The following MAP1B variants were observed in gnomAD, a reference collection of about 807,000 sequenced individuals.
MAP1B encodes the protein microtubule-associated protein 1B.
MAP1B carries 12 observed loss-of-function variants against 176.1 expected under a neutral mutation model. The observed-to-expected ratio is 0.07, with a 90% CI of 0.04 to 0.11. The LOEUF (loss-of-function observed/expected upper bound fraction) is 0.11, where lower values mean the gene tolerates loss of function less well. Among genes scored for constraint, MAP1B ranks in the 10% least tolerant of loss-of-function variants. MAP1B has a pLI of 1.00. For missense variants in MAP1B, 2,523 were observed against 2,990.5 expected, an observed-to-expected ratio of 0.84 and a Z score of 3.65; for synonymous variants, 1,044 against 1,135.0, an observed-to-expected ratio of 0.92 and a Z score of 1.61.
rs139605891 is a variant in MAP1B at position 72,197,652 on chromosome 5, A to T, written c.4297A>T (p.Ser1433Cys). The T allele has an allele frequency of 6.2e-7, 1 of 1,614,228 alleles. No individual in the cohort carries two copies. Among genetic ancestry groups the T allele is most frequent in the East Asian group, 2.2e-5 (1 of 44,884 alleles). The stretch of plus-strand genomic sequence containing the variant: ...TGCCGAAAGTCCTTTTGAAGAAAAG[A>T]GTGGAAAACAAGGCTCTCCAGACCA... Reference protein sequence around the residue: ...RGAESPFEEKSGKQGSPDQVS... With the variant: ...RGAESPFEEKCGKQGSPDQVS... Residue 1433 changes from serine (S) to cysteine (C), a missense_variant, in exon 5 of 7, where the codon AGT becomes TGT. Transcript: ENST00000296755.
At position 72,130,297 on chromosome 5, in the gene MAP1B, T is replaced by C. The variant is rs185275229; in HGVS notation, c.286+14498T>C. ...CTTTTCAGAAATGGCTTTTTCCCAA[T>C]GTCAACTGAATCATAAGAAAAAAGG... is the stretch of plus-strand genomic sequence containing the variant. On this transcript the variant is annotated intron_variant, in intron 2 of 6. Transcript: ENST00000296755. Among the ~76,000 whole-genome samples the C allele has an allele frequency of 4.6e-5, 7 of 152,244 alleles. No individual in the cohort carries two copies. In the East Asian group the frequency reaches 1.3e-3, roughly 29 times the overall value.
At chr5:72,165,786 G>C (rs570428464) in intron 2 of MAP1B, among the ~76,000 whole-genome samples, 13 of 152,260 alleles carry the variant, frequency 8.5e-5, no homozygotes, top group African/African-American at 3.1e-4. Context: ...GCTCATAAGT[G>C]TATCACCCCA....
intron 1 of MAP1B, among the ~76,000 whole-genome samples, chr5:72,110,071 T>G (rs1394274418): frequency 6.6e-6 from 1 of 152,194 alleles, no homozygotes; most frequent in African/African-American, 2.4e-5. Flanking sequence ...TTGACATTAA[T>G]TTTTTAAAAA....
intron 1 of MAP1B, among the ~76,000 whole-genome samples, chr5:72,114,608 T>G (rs1226032801): frequency 1.3e-5 from 2 of 152,234 alleles, no homozygotes; most frequent in Admixed American, 1.3e-4. Context: ...ATATATAATA[T>G]GTAAACATGT....
At chr5:72,158,190 A>C (rs1746263651) in intron 2 of MAP1B, among the ~76,000 whole-genome samples, 1 of 150,332 alleles carries the variant, frequency 6.7e-6, no homozygotes, top group Admixed American at 6.6e-5. Context: ...TTGTATTTTT[A>C]GTAGAGATGG....
rs368108469 is a variant in MAP1B, at chr5:72,195,593, G to C, written c.2238G>C (p.Leu746=). 9.3e-6 allele frequency: 15 copies of C among 1,614,174 alleles called. No homozygotes were observed. The African/African-American group carries it at 2.0e-4, about 22-fold the overall frequency. The change falls in exon 5 of 7, where the codon CTG becomes CTC. Residue 746 remains leucine (L), a synonymous_variant. Coordinates refer to ENST00000296755, the MANE Select transcript of MAP1B (RefSeq NM_005909.5). ...PKDAKKSSTP[L]SEAKKPAALK... The stretch of plus-strand genomic sequence containing the variant: ...ACGCAAAGAAATCATCTACTCCTCT[G>C]TCTGAAGCAAAAAAACCAGCTGCTT...
Position 72,198,577 on chromosome 5 carries a change from T to C in MAP1B, c.5222T>C (p.Ile1741Thr), listed in dbSNP as rs771666835. The C allele has an allele frequency of 5.6e-6, 9 of 1,613,968 alleles. No homozygotes were observed. In the South Asian group the frequency reaches 9.9e-5, roughly 18 times the overall value. ...STSSAHTPSQIASPLQEDTLS... is the reference protein window; with the variant it reads ...STSSAHTPSQTASPLQEDTLS... ...TCTTCTGCTCATACCCCTTCTCAGA[T>C]CGCTTCTCCTCTCCAAGAAGATACT... The change falls in exon 5 of 7, where the codon ATC becomes ACC. Residue 1741 changes from isoleucine (I) to threonine (T), a missense_variant. Ile to Thr is a moderately conservative substitution (Grantham distance 89). Around this residue, in one of 4 missense-constraint regions of MAP1B, gnomAD observed 1,925 missense variants for 2,126.0 expected, o/e 0.91. Transcript: ENST00000296755.
chr5:72,180,372 C>T (rs1746740709), intron 2 of MAP1B, among the ~76,000 whole-genome samples: 1 of 152,166 alleles, frequency 6.6e-6, no homozygotes, highest in Non-Finnish European at 1.5e-5. Flanking sequence ...AATTTCATCT[C>T]AACCTAGTGC....
In MAP1B at chr5:72,195,585, A is replaced by G. The variant is rs1747139625; in HGVS notation, c.2230A>G (p.Thr744Ala). Residue 744 changes from threonine (T) to alanine (A), a missense_variant, in exon 5 of 7, where the codon ACT becomes GCT. By Grantham distance (58) the Thr-to-Ala change is moderately conservative (BLOSUM62 0). This residue lies in a region of MAP1B where 1,925 missense variants were observed against 2,126.0 expected (regional missense o/e 0.91). Transcript: ENST00000296755. Reference protein sequence around the residue: ...KLPKDAKKSSTPLSEAKKPAA... With the variant: ...KLPKDAKKSSAPLSEAKKPAA... The stretch of plus-strand genomic sequence containing the variant: ...CCCTAAAGACGCAAAGAAATCATCT[A>G]CTCCTCTGTCTGAAGCAAAAAAACC... 2 of 1,614,062 alleles carry G rather than the reference A, an allele frequency of 1.2e-6. No homozygotes were observed. Among genetic ancestry groups the G allele is most frequent in the Non-Finnish European group, 1.7e-6 (2 of 1,180,014 alleles).
rs1482743694 is a variant in MAP1B, at chr5:72,208,303, T to TA, written c.*3065dup. On this transcript the variant is annotated 3_prime_UTR_variant, in exon 7 of 7. Coordinates refer to ENST00000296755, the MANE Select transcript of MAP1B (RefSeq NM_005909.5). ...TTCTAGGAGCTTTGTTCATACTGATTACTTAATCCAATTGTATAGATTGAA... is the reference window on the plus strand; with the variant it reads ...TTCTAGGAGCTTTGTTCATACTGATTAACTTAATCCAATTGTATAGATTGAA... 1.3e-5 allele frequency: 2 copies of TA among 152,362 alleles called. No homozygotes were observed. Among genetic ancestry groups the TA allele is most frequent in the African/African-American group, 4.8e-5 (2 of 41,582 alleles). The allele number at this position is 152,362 out of a possible 1,614,324, so 9.4% of individuals were successfully genotyped here.
intron 3 of MAP1B, among the ~76,000 whole-genome samples, chr5:72,185,239 T>C (rs1476509495): frequency 6.6e-6 from 1 of 152,174 alleles, no homozygotes; most frequent in Non-Finnish European, 1.5e-5. Flanking sequence ...TTTTGGCTGT[T>C]GTGATGTCAC....
intron 2 of MAP1B, among the ~76,000 whole-genome samples, chr5:72,172,508 A>G (rs1746565385): frequency 6.6e-6 from 1 of 152,102 alleles, no homozygotes; most frequent in Non-Finnish European, 1.5e-5. Flanking sequence ...TGGTTTTGAG[A>G]CCGAATAATA....
chr5:72,194,530 C>A lies in MAP1B; in HGVS notation c.1175C>A (p.Ser392Tyr). Residue 392 changes from serine (S) to tyrosine (Y), a missense_variant, in exon 5 of 7, where the codon TCC becomes TAC. Ser to Tyr is a moderately radical substitution (Grantham distance 144). Coordinates refer to ENST00000296755, the MANE Select transcript of MAP1B (RefSeq NM_005909.5). The surrounding 1 kb of genome is among the most constrained non-coding windows in gnomAD (Gnocchi z 7.2). The part of the protein sequence containing the change: ...CFTLQYLNKL[S>Y]MKPEPLFRSV... Reference sequence around the variant, plus strand: ...ACTCTCCAGTACCTAAACAAATTGTCCATGAAACCAGAACCTCTGTTTAGA... The same window carrying A: ...ACTCTCCAGTACCTAAACAAATTGTACATGAAACCAGAACCTCTGTTTAGA... 2 of 1,614,100 alleles carry A rather than the reference C, an allele frequency of 1.2e-6. No homozygotes were observed. Among genetic ancestry groups the A allele is most frequent in the Non-Finnish European group, 1.7e-6 (2 of 1,180,030 alleles).
intron 2 of MAP1B, 111 bp from the exon 3 acceptor site, chr5:72,183,632 G>T: frequency 1.4e-6 from 1 of 736,534 alleles, no homozygotes. Flanking sequence ...TTTCAGTGCT[G>T]TGTACCACGT....
chr5:72,174,855 G>A (rs1427790052), intron 2 of MAP1B, among the ~76,000 whole-genome samples: 1 of 151,876 alleles, frequency 6.6e-6, no homozygotes, highest in Non-Finnish European at 1.5e-5. Flanking sequence ...ACACAAATAG[G>A]CATTGAACTC....
At chr5:72,121,543 A>T (rs776983084) in intron 2 of MAP1B, among the ~76,000 whole-genome samples, 3 of 152,240 alleles carry the variant, frequency 2.0e-5, no homozygotes, top group Non-Finnish European at 4.4e-5. Context: ...TGCTAAAAAC[A>T]TCTTGCCTGG....
chr5:72,136,549 C>A (rs1184118005), intron 2 of MAP1B, among the ~76,000 whole-genome samples: 1 of 152,162 alleles, frequency 6.6e-6, no homozygotes, highest in African/African-American at 2.4e-5. Flanking sequence ...TCCTTCTCCC[C>A]AAGACCTCAT....
chr5:72,137,672 G>A (rs1366612391), intron 2 of MAP1B, among the ~76,000 whole-genome samples: 1 of 152,178 alleles, frequency 6.6e-6, no homozygotes, highest in Admixed American at 6.5e-5. Context: ...TTAAAACAAA[G>A]TACAGGCTCC....
chr5:72,198,869 C>T lies in MAP1B; in HGVS notation c.5514C>T (p.Phe1838=), dbSNP rs766462360. ...EPYGFRASVL[F]DTMQHHLALN... is the part of the protein sequence containing the mutation. ...ATGGCTTCCGTGCCTCAGTGTTATT[C>T]GATACAATGCAACACCATCTAGCCT... The change falls in exon 5 of 7, where the codon TTC becomes TTT. Residue 1838 remains phenylalanine, a synonymous_variant. Transcript: ENST00000296755. 1.1e-5 allele frequency: 17 copies of T among 1,614,052 alleles called. No individual in the cohort carries two copies. The highest frequency in any genetic ancestry group is 8.0e-5 in the African/African-American group (6 of 74,916).
Sources: allele counts gnomAD v4.1 joint callset (sites outside exome capture counted in the v4.1 genomes callset), GRCh38; gene constraint gnomAD v4.1.1; regional missense constraint gnomAD v4.1.1; non-coding constraint Gnocchi (gnomAD v3.1); transcripts MANE v1.5; gene names NCBI Gene and HGNC (gene_info 2026-07-23, HGNC 2026-07-21).